NDST3: variants seen among roughly 807,000 people sequenced by gnomAD.
NDST3 encodes the protein bifunctional heparan sulfate N-deacetylase/N-sulfotransferase 3.
Under a neutral mutation model 96.1 loss-of-function variants are expected in NDST3, and 58 were observed. The ratio of observed to expected loss-of-function variants is 0.60; its 90% CI spans 0.49 to 0.75. NDST3 has a LOEUF of 0.75. NDST3 is among the 30% of genes least tolerant of loss of function. The pLI, the probability that NDST3 is intolerant of heterozygous loss-of-function variation, is 0.00. For missense variants in NDST3, 788 were observed against 1,034.2 expected (o/e 0.76, Z 3.27); for synonymous variants, 333 against 359.7 (o/e 0.93, Z 0.84).
chr4:118,153,840 A>G (rs1011154313), intron 6 of NDST3, among the ~76,000 whole-genome samples: 1 of 152,064 alleles, frequency 6.6e-6, no homozygotes, highest in Non-Finnish European at 1.5e-5. Flanking sequence ...TAATAATAAT[A>G]ATAATTTTAA....
chr4:118,127,071 T>C (rs917905962), intron 4 of NDST3, among the ~76,000 whole-genome samples: 10 of 151,948 alleles, frequency 6.6e-5, no homozygotes, highest in Non-Finnish European at 1.5e-4. Flanking sequence ...GTTGTTTGAG[T>C]TTCTTATATA....
At chr4:118,233,664 A>C (rs1740456744) in intron 9 of NDST3, among the ~76,000 whole-genome samples, 1 of 152,226 alleles carries the variant, frequency 6.6e-6, no homozygotes, top group Non-Finnish European at 1.5e-5. Context: ...CAAAATTAGA[A>C]ATATATCAAC....
chr4:118,129,706 G>T (rs942748893), intron 4 of NDST3, among the ~76,000 whole-genome samples: 19 of 152,034 alleles, frequency 1.2e-4, no homozygotes, highest in African/African-American at 4.3e-4. Flanking sequence ...AGATTCATTT[G>T]TTGTATAGTG....
At chr4:118,184,602 T>TCCACAC (rs1553941346) in intron 6 of NDST3, among the ~76,000 whole-genome samples, 2 of 138,490 alleles carry the variant, frequency 1.4e-5, no homozygotes, top group Admixed American at 7.4e-5. Flanking sequence ...TCTCTCTCTC[T>TCCACAC]ACACACACAC....
At chr4:118,180,841 C>T (rs1470192270) in intron 6 of NDST3, among the ~76,000 whole-genome samples, 1 of 152,100 alleles carries the variant, frequency 6.6e-6, no homozygotes, top group Non-Finnish European at 1.5e-5. Flanking sequence ...CCTCACCTAA[C>T]CACACAGGAA....
At chr4:118,112,482 C>T (rs75979367) in intron 3 of NDST3, among the ~76,000 whole-genome samples, 8,173 of 152,164 alleles carry the variant, frequency 0.054, 307 homozygotes, top group Middle Eastern at 0.082. Flanking sequence ...CTGGGAAACT[C>T]CAAGAGACTC....
chr4:118,161,201 G>T (rs1029930547), intron 6 of NDST3, among the ~76,000 whole-genome samples: 16 of 152,182 alleles, frequency 1.1e-4, no homozygotes, highest in African/African-American at 3.9e-4. Context: ...CGTGAACTGC[G>T]AATGCTGCTG....
intron 6 of NDST3, among the ~76,000 whole-genome samples, chr4:118,170,666 T>C (rs895184184): frequency 6.6e-6 from 1 of 151,960 alleles, no homozygotes; most frequent in African/African-American, 2.4e-5. Context: ...GTGGTGGAGA[T>C]TGCAGTGAGC....
At position 118,054,515 on chromosome 4, in the gene NDST3, T is replaced by C; in HGVS notation, c.605T>C (p.Ile202Thr). 6.2e-7 allele frequency: 1 copy of C among 1,613,326 alleles called. No individual in the cohort carries two copies. The highest frequency in any genetic ancestry group is 8.5e-7 in the Non-Finnish European group (1 of 1,179,470). ...DCCINPHSPL[I>T]RVTKSSKLEK... ...TGTATTAATCCTCATTCTCCATTGA[T>C]TCGTGTGACCAAATCTTCCAAGCTT... Residue 202 changes from isoleucine to threonine, a missense_variant, in exon 2 of 14, where the codon ATT (isoleucine) becomes ACT (threonine). This residue lies in a region of NDST3 where 234 missense variants were observed against 256.9 expected (regional missense o/e 0.91). Coordinates refer to ENST00000296499, the MANE Select transcript of NDST3 (RefSeq NM_004784.3).
chr4:118,203,574 T>C (rs1054380830), intron 6 of NDST3, among the ~76,000 whole-genome samples: 2 of 152,240 alleles, frequency 1.3e-5, no homozygotes, highest in African/African-American at 4.8e-5. Context: ...CTACTTCCTC[T>C]AGATTTTCTA....
chr4:118,240,971 A>C (rs529262093), intron 11 of NDST3, among the ~76,000 whole-genome samples: 6 of 152,328 alleles, frequency 3.9e-5, no homozygotes, highest in South Asian at 2.1e-4. Flanking sequence ...CCTGAGAATA[A>C]AGTTTGAAAG....
intron 2 of NDST3, among the ~76,000 whole-genome samples, chr4:118,076,433 G>A (rs1339871877): frequency 6.6e-6 from 1 of 151,090 alleles, no homozygotes; most frequent in Non-Finnish European, 1.5e-5. Context: ...GAATGCCAGC[G>A]AGTCACAGAT....
At chr4:118,074,301 G>A (rs1208286200) in intron 2 of NDST3, among the ~76,000 whole-genome samples, 7 of 152,120 alleles carry the variant, frequency 4.6e-5, no homozygotes, top group Non-Finnish European at 8.8e-5. Flanking sequence ...ATTTGGTCAA[G>A]TGTCAAGCTT....
rs372043095 is a variant in NDST3 at position 118,190,612 on chromosome 4, A to G, written c.1540-33879A>G. 4.5e-4 allele frequency among the ~76,000 whole-genome samples: 68 copies of G among 152,336 alleles called. 1 individual carries two copies. The South Asian group carries it at 0.014, about 31-fold the overall frequency. On this transcript the variant is annotated intron_variant, in intron 6 of 13. Coordinates refer to ENST00000296499, the MANE Select transcript of NDST3 (RefSeq NM_004784.3). The stretch of plus-strand genomic sequence containing the variant: ...GCATACCAGGTATAGAGGTCAGGAC[A>G]GAAGACAGAGCTGTGAAGACTATAC...
intron 3 of NDST3, among the ~76,000 whole-genome samples, chr4:118,107,603 A>G (rs1730304283): frequency 6.6e-6 from 1 of 152,204 alleles, no homozygotes; most frequent in Non-Finnish European, 1.5e-5. Flanking sequence ...TACAGTGATT[A>G]GAATATGTTC....
At chr4:118,094,190 C>G (rs1314939672) in intron 2 of NDST3, among the ~76,000 whole-genome samples, 1 of 151,884 alleles carries the variant, frequency 6.6e-6, no homozygotes, top group Non-Finnish European at 1.5e-5. Flanking sequence ...TGCTTCCTAA[C>G]AGCTGTTCTG....
chr4:118,201,579 C>T (rs1037448192), intron 6 of NDST3, among the ~76,000 whole-genome samples: 4 of 152,034 alleles, frequency 2.6e-5, no homozygotes, highest in African/African-American at 7.2e-5. Flanking sequence ...ACTTGTATGA[C>T]GTCTTTTGAG....
chr4:118,053,570 C>T (rs1725216417), intron 1 of NDST3, among the ~76,000 whole-genome samples, 186 bp from the exon 2 acceptor site: 1 of 151,764 alleles, frequency 6.6e-6, no homozygotes, highest in Non-Finnish European at 1.5e-5. Flanking sequence ...TCAATGGACC[C>T]CTTTTCCTCT....
chr4:118,111,986 A>C (rs1037221020), intron 3 of NDST3, among the ~76,000 whole-genome samples: 3 of 152,088 alleles, frequency 2.0e-5, no homozygotes, highest in Admixed American at 1.3e-4. Context: ...CATAATTTTT[A>C]AAGTAATAAG....
Sources: allele counts gnomAD v4.1 joint callset (sites outside exome capture counted in the v4.1 genomes callset), GRCh38; gene constraint gnomAD v4.1.1; regional missense constraint gnomAD v4.1.1; transcripts MANE v1.5; gene names NCBI Gene and HGNC (gene_info 2026-07-23, HGNC 2026-07-21).